The following RAB7A variants were observed in gnomAD, a reference collection of about 807,000 sequenced individuals.
The protein encoded by RAB7A is RAB7A, member RAS oncogene family.
RAB7A carries 2 observed loss-of-function variants against 24.5 expected under a neutral mutation model. That is an observed-to-expected ratio of 0.08 (90% CI 0.03 to 0.26). RAB7A has a LOEUF of 0.26. Ranked by LOEUF, RAB7A falls within the 10% of genes least tolerant of loss-of-function variation. The pLI, the probability that RAB7A is intolerant of heterozygous loss-of-function variation, is 1.00. For missense variants in RAB7A, 118 were observed against 255.7 expected (o/e 0.46, Z 3.67); for synonymous variants, 100 against 95.9 (o/e 1.04, Z -0.25).
chr3:128,731,993 G>T (rs1353610138), intron 1 of RAB7A, among the ~76,000 whole-genome samples: 1 of 140,676 alleles, frequency 7.1e-6, no homozygotes, highest in Non-Finnish European at 1.5e-5. Flanking sequence ...GACAGAGCAA[G>T]ATTCCATCTC....
At chr3:128,755,149 T>C (rs560583409) in intron 1 of RAB7A, among the ~76,000 whole-genome samples, 82 of 152,238 alleles carry the variant, frequency 5.4e-4, no homozygotes, top group African/African-American at 2.0e-3. Flanking sequence ...AAAAATACGA[T>C]ACCAAGTATT....
intron 1 of RAB7A, among the ~76,000 whole-genome samples, chr3:128,777,592 A>G (rs1933125901): frequency 6.6e-6 from 1 of 152,224 alleles, no homozygotes; most frequent in Non-Finnish European, 1.5e-5. Flanking sequence ...AAACTAAACT[A>G]TCACTAGCAG....
chr3:128,781,274 A>G (rs1933212647), intron 1 of RAB7A, among the ~76,000 whole-genome samples: 1 of 152,176 alleles, frequency 6.6e-6, no homozygotes. Context: ...TAACAAAGCC[A>G]CCCATATTTC....
At chr3:128,765,700 A>G (rs969005968) in intron 1 of RAB7A, among the ~76,000 whole-genome samples, 31 of 150,712 alleles carry the variant, frequency 2.1e-4, no homozygotes, top group African/African-American at 7.6e-4. Flanking sequence ...CCCTAGTCCC[A>G]TTCACAAGGT....
intron 1 of RAB7A, among the ~76,000 whole-genome samples, chr3:128,731,709 G>C (rs1277672196): frequency 2.6e-5 from 4 of 151,988 alleles, no homozygotes; most frequent in African/African-American, 9.7e-5. Flanking sequence ...TTCACCCCTT[G>C]TAAAAGTGTA....
At chr3:128,788,576 C>A (rs535961216) in intron 1 of RAB7A, among the ~76,000 whole-genome samples, 2 of 152,250 alleles carry the variant, frequency 1.3e-5, no homozygotes, top group South Asian at 4.1e-4. Context: ...GGGCCTACCC[C>A]CCATGGATAA....
intron 1 of RAB7A, among the ~76,000 whole-genome samples, chr3:128,778,729 G>T (rs1933149327): frequency 1.3e-5 from 2 of 152,296 alleles, no homozygotes; most frequent in African/African-American, 4.8e-5. Flanking sequence ...GACATTTAAA[G>T]AAATAAAAGG....
intron 1 of RAB7A, chr3:128,764,448 G>A: frequency 2.6e-6 from 2 of 757,824 alleles, no homozygotes; most frequent in Non-Finnish European, 4.8e-6. Flanking sequence ...CATGGCTATG[G>A]GGAAATTAGC....
rs1187017890 is a variant in RAB7A, at chr3:128,806,684, A to G, written c.399+94A>G. ...TTCTCTGCTAAGCTCACATGGCTCT[A>G]GGAGGTGCTGGTGGGAGTCTTCATT... On this transcript the variant is annotated intron_variant, in intron 4 of 5. Transcript: ENST00000265062. 5 of 1,268,528 alleles carry G rather than the reference A, an allele frequency of 3.9e-6. No individual in the cohort carries two copies. In the Admixed American group the frequency reaches 7.7e-5, roughly 20 times the overall value. The allele number at this position is 1,268,528 out of a possible 1,614,324, so 78.6% of individuals were successfully genotyped here.
At chr3:128,808,749 G>A (rs1213952522) in intron 5 of RAB7A, among the ~76,000 whole-genome samples, 3 of 152,306 alleles carry the variant, frequency 2.0e-5, no homozygotes, top group African/African-American at 7.2e-5. Context: ...TTGGGAGGAT[G>A]CATAGAACAC....
At chr3:128,727,365 T>G (rs2070391455) in intron 1 of RAB7A, among the ~76,000 whole-genome samples, 1 of 152,134 alleles carries the variant, frequency 6.6e-6, no homozygotes, top group African/African-American at 2.4e-5. Flanking sequence ...AATTTCTAGG[T>G]TGTACTGCTT....
chr3:128,753,013 A>C (rs1231689283), intron 1 of RAB7A, among the ~76,000 whole-genome samples: 1 of 152,212 alleles, frequency 6.6e-6, no homozygotes, highest in Non-Finnish European at 1.5e-5. Flanking sequence ...CATAAGACAC[A>C]ATTGGGTACA....
intron 1 of RAB7A, among the ~76,000 whole-genome samples, chr3:128,753,451 T>C (rs2070705165): frequency 6.6e-6 from 1 of 152,204 alleles, no homozygotes; most frequent in Non-Finnish European, 1.5e-5. Context: ...TATGCGTGTG[T>C]GTGTTTAACC....
intron 3 of RAB7A, among the ~76,000 whole-genome samples, chr3:128,805,970 C>G (rs1313696931): frequency 6.6e-6 from 1 of 152,184 alleles, no homozygotes; most frequent in South Asian, 2.1e-4. Flanking sequence ...GTCATCACCT[C>G]ACTTCCCTAT....
At chr3:128,731,180 T>A (rs2070432446) in intron 1 of RAB7A, among the ~76,000 whole-genome samples, 1 of 152,246 alleles carries the variant, frequency 6.6e-6, no homozygotes, top group Non-Finnish European at 1.5e-5. Context: ...TATGTAAGTG[T>A]AATAAAAAGT....
intron 1 of RAB7A, among the ~76,000 whole-genome samples, chr3:128,776,905 G>T (rs1576290373): frequency 1.3e-5 from 2 of 150,104 alleles, no homozygotes; most frequent in East Asian, 3.9e-4. Context: ...TGGTATCTCA[G>T]TGTGGCTTTA....
At chr3:128,726,727 CAG>C (rs1032260758) in intron 1 of RAB7A, among the ~76,000 whole-genome samples, 2 of 152,156 alleles carry the variant, frequency 1.3e-5, no homozygotes, top group Non-Finnish European at 2.9e-5. Context: ...AGGAGGGTGT[CAG>C]AGCCCACGCC....
chr3:128,778,675 C>T (rs547477157), intron 1 of RAB7A, among the ~76,000 whole-genome samples: 12 of 152,196 alleles, frequency 7.9e-5, no homozygotes, highest in Non-Finnish European at 1.6e-4. Context: ...ATTCTTAAAG[C>T]ATCAACTTGT....
At chr3:128,771,801 T>G (rs555720696) in intron 1 of RAB7A, among the ~76,000 whole-genome samples, 1 of 152,328 alleles carries the variant, frequency 6.6e-6, no homozygotes, top group East Asian at 1.9e-4. Flanking sequence ...TTCTTGTATG[T>G]GAATAAGGAG....
Sources: allele counts gnomAD v4.1 joint callset (sites outside exome capture counted in the v4.1 genomes callset), GRCh38; gene constraint gnomAD v4.1.1; transcripts MANE v1.5; gene names NCBI Gene and HGNC (gene_info 2026-07-23, HGNC 2026-07-21).